TRIM16: variants seen among roughly 807,000 people sequenced by gnomAD.
The protein encoded by TRIM16 is tripartite motif containing 16.
TRIM16 carries 33 observed loss-of-function variants against 50.4 expected under a neutral mutation model. That is an observed-to-expected ratio of 0.65 (90% CI 0.50 to 0.88). The LOEUF is 0.88. Ranked by LOEUF, TRIM16 falls within the 40% of genes least tolerant of loss-of-function variation. The pLI is 0.00. For synonymous variants in TRIM16, 229 were observed against 270.7 expected (o/e 0.85, Z 1.51); for missense variants, 581 against 686.8 (o/e 0.85, Z 1.72).
chr17:15,639,072 T>G (rs1265003522), intron 8 of TRIM16, among the ~76,000 whole-genome samples: 43 of 120,666 alleles, frequency 3.6e-4, no homozygotes, highest in Non-Finnish European at 5.2e-4. Flanking sequence ...TTTTTTTTTT[T>G]AGACAAGGTC....
chr17:15,648,118 C>T (rs184976156), intron 7 of TRIM16, among the ~76,000 whole-genome samples: 9 of 151,028 alleles, frequency 6.0e-5, no homozygotes, highest in African/African-American at 2.2e-4. Flanking sequence ...CCCAGCTACT[C>T]GGGAGGCTGA....
intron 5 of TRIM16, 30 bp from the exon 6 acceptor site, chr17:15,677,310 A>C: frequency 1.0e-6 from 1 of 984,616 alleles, no homozygotes; most frequent in Non-Finnish European, 1.2e-6. Context: ...ATGTAATTTT[A>C]AGTTCAAAAG....
At chr17:15,678,091 C>T (rs1223715477) in intron 4 of TRIM16, among the ~76,000 whole-genome samples, 1 of 151,846 alleles carries the variant, frequency 6.6e-6, no homozygotes, top group Non-Finnish European at 1.5e-5. Context: ...TGGTGGTGGG[C>T]GCCTGTAGTC....
intron 3 of TRIM16, among the ~76,000 whole-genome samples, chr17:15,681,957 G>C (rs1989201724): frequency 6.6e-6 from 1 of 152,140 alleles, no homozygotes; most frequent in Non-Finnish European, 1.5e-5. Flanking sequence ...TTTGTCATTG[G>C]AACTCTGGCT....
rs375375292 is a variant in TRIM16 at position 15,632,592 on chromosome 17, C to A, written c.932G>T (p.Arg311Leu). The A allele has an allele frequency of 1.9e-5, 30 of 1,613,786 alleles. No individual in the cohort carries two copies. In the African/African-American group the frequency reaches 3.3e-4, roughly 18 times the overall value. The change falls in exon 10 of 12, where the codon CGC becomes CTC. Residue 311 changes from arginine to leucine, a missense_variant. By Grantham distance (102) the Arg-to-Leu change is moderately radical. Coordinates refer to ENST00000649191, the MANE Select transcript of TRIM16 (RefSeq NM_001348119.1). Reference sequence around the variant, plus strand: ...TACAGTGGATTCCGTGATAACTTTGCGGATGCCCGAGAGTTTATCCTTCAG... The same window carrying A: ...TACAGTGGATTCCGTGATAACTTTGAGGATGCCCGAGAGTTTATCCTTCAG... Reference protein sequence around the residue: ...VGLKDKLSGIRKVITESTVHL... With the variant: ...VGLKDKLSGILKVITESTVHL...
At chr17:15,636,601 A>G (rs895887424) in intron 8 of TRIM16, among the ~76,000 whole-genome samples, 4 of 146,342 alleles carry the variant, frequency 2.7e-5, no homozygotes, top group Non-Finnish European at 4.5e-5. Context: ...TCTACTTGAT[A>G]GTCATATTTC....
intron 7 of TRIM16, among the ~76,000 whole-genome samples, chr17:15,649,827 A>G (rs1987600349): frequency 6.6e-6 from 1 of 152,194 alleles, no homozygotes; most frequent in African/African-American, 2.4e-5. Flanking sequence ...AGATAACTTC[A>G]TAGTTATTTG....
chr17:15,663,403 T>C (rs1245601456), intron 6 of TRIM16, among the ~76,000 whole-genome samples: 3 of 152,154 alleles, frequency 2.0e-5, no homozygotes, highest in Non-Finnish European at 4.4e-5. Flanking sequence ...CAGCTGCCAG[T>C]TCTATATTTA....
rs1261456539 is a variant in TRIM16 at position 15,632,570 on chromosome 17, A to G, written c.954T>C (p.Thr318=). 3.1e-6 allele frequency: 5 copies of G among 1,613,828 alleles called. No individual in the cohort carries two copies. The highest frequency in any genetic ancestry group is 4.2e-6 in the Non-Finnish European group (5 of 1,179,862). ...TCTCCAGCAACTGGATTAAGTGTAC[A>G]GTGGATTCCGTGATAACTTTGCGGA... ...SGIRKVITES[T]VHLIQLLENY... is the part of the protein sequence containing the mutation. The change falls in exon 10 of 12, where the codon ACT becomes ACC. Residue 318 remains threonine, a synonymous_variant. Coordinates refer to ENST00000649191, the MANE Select transcript of TRIM16 (RefSeq NM_001348119.1).
At chr17:15,648,000 G>A (rs1293496655) in intron 7 of TRIM16, among the ~76,000 whole-genome samples, 4 of 151,776 alleles carry the variant, frequency 2.6e-5, no homozygotes, top group Non-Finnish European at 4.4e-5. Flanking sequence ...CCGAGGCAGG[G>A]GGATCACCAG....
Position 15,650,984 on chromosome 17 carries a change from G to T in TRIM16, c.519+107C>A, listed in dbSNP as rs535332232. On this transcript the variant is annotated intron_variant, in intron 7 of 11. Transcript: ENST00000649191. ...GCTGAAGCTAGTCTTTTTCAGGTAT[G>T]CTCAGAGCATAGTAGTGGCGTCAGT... The T allele has an allele frequency of 1.4e-5, 21 of 1,449,978 alleles. No homozygotes were observed. In the East Asian group the frequency reaches 4.6e-4, roughly 32 times the overall value. 89.8% of individuals were successfully genotyped at this position (1,449,978 alleles called of 1,614,324 possible).
rs1253850152 is a variant in TRIM16 at position 15,683,158 on chromosome 17, CTG to C, written c.-898-3_-898-2del. Reference sequence around the variant, plus strand: ...GAAATTGCCAGCATTCTACCAGAAACTGTGGTAAGAGGTTCTGGATTGAAGTT... The same window carrying C: ...GAAATTGCCAGCATTCTACCAGAAACTGGTAAGAGGTTCTGGATTGAAGTT... On this transcript the variant is annotated splice_acceptor_variant and splice_polypyrimidine_tract_variant and intron_variant, in intron 1 of 11. Coordinates refer to ENST00000649191, the MANE Select transcript of TRIM16 (RefSeq NM_001348119.1). LOFTEE classifies it low-confidence loss of function (5UTR_SPLICE). 9.7e-6 allele frequency: 15 copies of C among 1,543,554 alleles called. No individual in the cohort carries two copies. Among genetic ancestry groups the C allele is most frequent in the Non-Finnish European group, 1.2e-5 (14 of 1,141,412 alleles).
intron 9 of TRIM16, among the ~76,000 whole-genome samples, chr17:15,635,226 G>A (rs1986672503): frequency 6.8e-6 from 1 of 146,862 alleles, no homozygotes; most frequent in African/African-American, 2.5e-5. Context: ...TTACTCCAGT[G>A]GGCTTGTTGA....
chr17:15,669,965 A>T (rs577830296), intron 6 of TRIM16, among the ~76,000 whole-genome samples: 2 of 152,328 alleles, frequency 1.3e-5, no homozygotes, highest in East Asian at 3.9e-4. Context: ...TGGAGGGGGA[A>T]AATCTCCCCT....
Position 15,628,921 on chromosome 17 carries a change from G to C in TRIM16, c.1389C>G (p.Asn463Lys), listed in dbSNP as rs1986248256. 3 of 1,614,214 alleles carry C rather than the reference G, an allele frequency of 1.9e-6. No individual in the cohort carries two copies. The highest frequency in any genetic ancestry group is 2.5e-6 in the Non-Finnish European group (3 of 1,180,058). ...GEERNSCISGNNFSWSLQWNG... is the reference protein window; with the variant it reads ...GEERNSCISGKNFSWSLQWNG... ...TCCATTGGAGGCTCCAGGAGAAGTT[G>C]TTTCCGGAAATGCAACTGTTGCGCT... The change falls in exon 12 of 12, where the codon AAC becomes AAG. Residue 463 changes from asparagine (N) to lysine (K), a missense_variant. Around this residue, in one of 3 missense-constraint regions of TRIM16, gnomAD observed 115 missense variants for 106.7 expected, o/e 1.08. Transcript: ENST00000649191.
chr17:15,641,988 G>A (rs1265186422), intron 8 of TRIM16, among the ~76,000 whole-genome samples: 2 of 148,430 alleles, frequency 1.3e-5, no homozygotes, highest in Non-Finnish European at 3.0e-5. Flanking sequence ...GACTACAGGT[G>A]TGCACCACCA....
intron 6 of TRIM16, among the ~76,000 whole-genome samples, chr17:15,676,092 A>G (rs1486653068): frequency 3.9e-5 from 6 of 152,034 alleles, no homozygotes; most frequent in African/African-American, 1.4e-4. Flanking sequence ...TACCACTTAG[A>G]GCAGGTTTTC....
intron 6 of TRIM16, among the ~76,000 whole-genome samples, chr17:15,659,947 A>C (rs1410558406): frequency 6.6e-6 from 1 of 152,128 alleles, no homozygotes; most frequent in Non-Finnish European, 1.5e-5. Context: ...GCAGCTCAGC[A>C]AGGCCAATGG....
rs749267052 is a variant in TRIM16, at chr17:15,636,189, A to G, written c.696T>C (p.Asn232=). ...CCTTCTCCTCTAAGAAGAGCATCACATTGGCCTGGGCCTTCCTCACAGCAG... is the reference window on the plus strand; with the variant it reads ...CCTTCTCCTCTAAGAAGAGCATCACGTTGGCCTGGGCCTTCCTCACAGCAG... ...LLAAVRKAQA[N]VMLFLEEKEQ... The change falls in exon 9 of 12, where the codon AAT becomes AAC. Residue 232 remains asparagine (N), a synonymous_variant. Coordinates refer to ENST00000649191, the MANE Select transcript of TRIM16 (RefSeq NM_001348119.1). 4 of 1,609,524 alleles carry G rather than the reference A, an allele frequency of 2.5e-6. No homozygotes were observed. Among genetic ancestry groups the G allele is most frequent in the Non-Finnish European group, 3.4e-6 (4 of 1,178,778 alleles).
Sources: allele counts gnomAD v4.1 joint callset (sites outside exome capture counted in the v4.1 genomes callset), GRCh38; gene constraint gnomAD v4.1.1; regional missense constraint gnomAD v4.1.1; transcripts MANE v1.5; gene names NCBI Gene and HGNC (gene_info 2026-07-23, HGNC 2026-07-21).